MAGI2: variants seen among roughly 807,000 people sequenced by gnomAD.
The protein encoded by MAGI2 is membrane associated guanylate kinase, WW and PDZ domain containing 2.
In MAGI2, 35 loss-of-function variants were observed where a neutral mutation model predicts 133.3. That is an observed-to-expected ratio of 0.26 (90% CI 0.20 to 0.35). The LOEUF (loss-of-function observed/expected upper bound fraction) is 0.35, where lower values mean the gene tolerates loss of function less well. MAGI2 is among the 10% of genes least tolerant of loss of function. The pLI, the probability that MAGI2 is intolerant of heterozygous loss-of-function variation, is 1.00. For missense variants in MAGI2, 1,636 were observed against 1,863.4 expected (o/e 0.88, Z 2.25); for synonymous variants, 729 against 710.6 (o/e 1.03, Z -0.41).
At chr7:79,077,300 G>A (rs1001437253) in intron 1 of MAGI2, among the ~76,000 whole-genome samples, 17 of 151,990 alleles carry the variant, frequency 1.1e-4, no homozygotes, top group African/African-American at 4.1e-4. Context: ...GCTCACGCCT[G>A]TAATCCCAGC....
intron 21 of MAGI2, among the ~76,000 whole-genome samples, chr7:78,044,291 G>A (rs3807776): frequency 0.052 from 7,981 of 152,196 alleles, 428 homozygotes; most frequent in East Asian, 0.13. Context: ...ATGTGTGTAT[G>A]TCTGTATAGG....
At chr7:79,358,927 C>T (rs1286274144) in intron 1 of MAGI2, among the ~76,000 whole-genome samples, 1 of 152,112 alleles carries the variant, frequency 6.6e-6, no homozygotes, top group Non-Finnish European at 1.5e-5. Context: ...AGTTTGCTAA[C>T]CTAATAGACA....
intron 10 of MAGI2, among the ~76,000 whole-genome samples, chr7:78,223,023 T>G (rs1788986785): frequency 6.6e-6 from 1 of 152,210 alleles, no homozygotes; most frequent in Non-Finnish European, 1.5e-5. Flanking sequence ...GGGGATACTC[T>G]GAACAACACA....
chr7:79,327,316 T>C (rs1839770201), intron 1 of MAGI2, among the ~76,000 whole-genome samples: 1 of 152,162 alleles, frequency 6.6e-6, no homozygotes, highest in African/African-American at 2.4e-5. Context: ...GCATATAAAC[T>C]CTTCTCTTAG....
At chr7:78,457,640 C>A (rs1323349803) in intron 6 of MAGI2, among the ~76,000 whole-genome samples, 1 of 152,144 alleles carries the variant, frequency 6.6e-6, no homozygotes, top group Non-Finnish European at 1.5e-5. Context: ...GAGAAAAAGA[C>A]CAACACTTGC....
At chr7:78,030,663 T>C (rs1809474722) in intron 21 of MAGI2, among the ~76,000 whole-genome samples, 1 of 152,156 alleles carries the variant, frequency 6.6e-6, no homozygotes, top group African/African-American at 2.4e-5. Context: ...AAAATAAAAA[T>C]GAAAACTACA....
chr7:78,794,051 A>C (rs1003470168), intron 2 of MAGI2, among the ~76,000 whole-genome samples: 65 of 152,230 alleles, frequency 4.3e-4, no homozygotes, highest in Non-Finnish European at 8.1e-4. Context: ...CTGAAAAATC[A>C]CTAAGTACTG....
intron 1 of MAGI2, among the ~76,000 whole-genome samples, chr7:79,254,535 G>A (rs1421777007): frequency 6.6e-6 from 1 of 152,182 alleles, no homozygotes; most frequent in East Asian, 1.9e-4. Flanking sequence ...CCAATTTGAT[G>A]TAAAGAGTAA....
chr7:79,295,654 T>C (rs558271092), intron 1 of MAGI2, among the ~76,000 whole-genome samples: 31 of 152,036 alleles, frequency 2.0e-4, no homozygotes, highest in Admixed American at 5.2e-4. Context: ...CATTTACCTC[T>C]GGTCTAGGGG....
intron 3 of MAGI2, among the ~76,000 whole-genome samples, chr7:78,621,012 G>A (rs917699383): frequency 6.6e-6 from 1 of 151,910 alleles, no homozygotes; most frequent in Non-Finnish European, 1.5e-5. Context: ...TGCTGTAAGT[G>A]GTGAGTGAAA....
intron 21 of MAGI2, among the ~76,000 whole-genome samples, chr7:78,025,556 T>C (rs1450260193): frequency 6.6e-6 from 1 of 152,160 alleles, no homozygotes; most frequent in African/African-American, 2.4e-5. Context: ...CAAATAGAAA[T>C]GGAAGACTTG....
At chr7:78,935,679 C>T (rs528975126) in intron 2 of MAGI2, among the ~76,000 whole-genome samples, 1 of 152,116 alleles carries the variant, frequency 6.6e-6, no homozygotes, top group East Asian at 1.9e-4. Context: ...CTAGATTATT[C>T]ATGGGATCGT....
intron 2 of MAGI2, among the ~76,000 whole-genome samples, chr7:78,894,740 A>T (rs539162481): frequency 4.6e-5 from 7 of 152,314 alleles, no homozygotes; most frequent in Non-Finnish European, 1.0e-4. Flanking sequence ...AATATATTTT[A>T]AAAAATATTC....
intron 6 of MAGI2, among the ~76,000 whole-genome samples, chr7:78,393,372 A>G (rs1260600954): frequency 6.6e-6 from 1 of 152,244 alleles, no homozygotes; most frequent in Non-Finnish European, 1.5e-5. Flanking sequence ...AGACTGCCAC[A>G]GTTAGTTTCT....
At chr7:78,865,665 A>T (rs1339560133) in intron 2 of MAGI2, among the ~76,000 whole-genome samples, 1 of 152,196 alleles carries the variant, frequency 6.6e-6, no homozygotes, top group Non-Finnish European at 1.5e-5. Context: ...GTTCAAAGCA[A>T]AGTGCTCTAA....
chr7:79,306,693 ACACTTCAGTGGCATTGTAAG>A (rs1359786288), intron 1 of MAGI2, among the ~76,000 whole-genome samples: 1 of 152,182 alleles, frequency 6.6e-6, no homozygotes, highest in African/African-American at 2.4e-5. Context: ...ACAAACCATG[ACACTTCAGTGGCATTGTAAG>A]CATTTACTGT....
At chr7:78,487,199 A>C in intron 6 of MAGI2, 1 of 238,042 alleles carries the variant, frequency 4.2e-6, no homozygotes, top group Non-Finnish European at 8.3e-6. Flanking sequence ...AAGCCAAAAT[A>C]CCAAATAGCA....
intron 2 of MAGI2, among the ~76,000 whole-genome samples, chr7:78,707,887 T>C (rs1818813282): frequency 6.6e-6 from 1 of 152,096 alleles, no homozygotes; most frequent in East Asian, 1.9e-4. Context: ...ACTTCTAAAA[T>C]AGTAAAATGG....
At chr7:78,168,968 T>C (rs1319549977) in intron 14 of MAGI2, among the ~76,000 whole-genome samples, 1 of 152,230 alleles carries the variant, frequency 6.6e-6, no homozygotes, top group African/African-American at 2.4e-5. Context: ...CTCAGAGCAC[T>C]GTCCTCTACG....
Sources: allele counts gnomAD v4.1 joint callset (sites outside exome capture counted in the v4.1 genomes callset), GRCh38; gene constraint gnomAD v4.1.1; transcripts MANE v1.5; gene names NCBI Gene and HGNC (gene_info 2026-07-23, HGNC 2026-07-21).